Variants in GNB1 observed in about 807,000 individuals in gnomAD.
GNB1 encodes G protein subunit beta 1.
Under a neutral mutation model 42.9 loss-of-function variants are expected in GNB1, and 2 were observed. That is an observed-to-expected ratio of 0.05 (90% confidence interval 0.02 to 0.15). The LOEUF (loss-of-function observed/expected upper bound fraction) is 0.15, where lower values mean the gene tolerates loss of function less well. Among genes scored for constraint, GNB1 ranks in the 10% least tolerant of loss-of-function variants. The probability of loss-of-function intolerance (pLI) is 1.00; values close to 1 mark genes in which losing one functional copy is unlikely to be tolerated. For missense variants in GNB1, 193 were observed against 462.2 expected (o/e 0.42, Z 5.34); for synonymous variants, 183 against 174.7 (o/e 1.05, Z -0.38).
Position 1,790,688 on chromosome 1 carries a change from G to A in GNB1, c.498-92C>T, listed in dbSNP as rs1376404013. 1 of 793,854 alleles carries A rather than the reference G, an allele frequency of 1.3e-6. No individual in the cohort carries two copies. Among genetic ancestry groups the A allele is most frequent in the Non-Finnish European group, 2.2e-6 (1 of 457,682 alleles). The allele number at this position is 793,854 out of a possible 1,614,324, so 49.2% of individuals were successfully genotyped here. A position where few individuals can be genotyped will look rare whatever the true frequency, so the allele number is the denominator to read the frequency against. Reference sequence around the variant, plus strand: ...ACAATCTGTCCTTCAAACCACCCAGGGCCACAGTGAGCCTCTGCACTGTTA... The same window carrying A: ...ACAATCTGTCCTTCAAACCACCCAGAGCCACAGTGAGCCTCTGCACTGTTA... On this transcript the variant is annotated intron_variant, in intron 8 of 11. Coordinates refer to ENST00000378609, the MANE Select transcript of GNB1 (RefSeq NM_002074.5). This position sits in a 1 kb window ranked among gnomAD's most constrained non-coding sequence, Gnocchi z 5.4.
intron 1 of GNB1, among the ~76,000 whole-genome samples, chr1:1,886,490 ACACT>A (rs1331988927): frequency 6.6e-6 from 1 of 152,142 alleles, no homozygotes; most frequent in Non-Finnish European, 1.5e-5. Context: ...CTCTTCATAC[ACACT>A]CACTCCCATA....
intron 1 of GNB1, among the ~76,000 whole-genome samples, chr1:1,845,697 A>G (rs1259703867): frequency 6.6e-6 from 1 of 152,110 alleles, no homozygotes; most frequent in Non-Finnish European, 1.5e-5. Flanking sequence ...CTCACACTGG[A>G]GAAGGGAGGC....
At chr1:1,867,499 C>G (rs1162454122) in intron 1 of GNB1, among the ~76,000 whole-genome samples, 1 of 152,108 alleles carries the variant, frequency 6.6e-6, no homozygotes, top group East Asian at 1.9e-4. Context: ...AAAATTCTAG[C>G]TAGGAGTTTT....
At position 1,870,200 on chromosome 1, in the gene GNB1, T is replaced by C. The variant is rs1425383271; in HGVS notation, c.-96+20620A>G. Among the ~76,000 whole-genome samples, 6 of 152,182 alleles carry C rather than the reference T, an allele frequency of 3.9e-5. No homozygotes were observed. The East Asian group carries it at 1.2e-3, about 29-fold the overall frequency. ...TGTTTTTGTTTGTGGGGTTTTGTTT[T>C]TGCTTTTTTGAGACAAGGTCTCACT... On this transcript the variant is annotated intron_variant, in intron 1 of 11. Transcript: ENST00000378609.
intron 1 of GNB1, among the ~76,000 whole-genome samples, chr1:1,889,734 C>T (rs944550445): frequency 6.6e-6 from 1 of 151,130 alleles, no homozygotes; most frequent in South Asian, 2.1e-4. Context: ...TGCATGCTAA[C>T]CATGTAATTT....
chr1:1,845,942 C>A (rs547647037), intron 1 of GNB1, among the ~76,000 whole-genome samples: 59 of 151,482 alleles, frequency 3.9e-4, no homozygotes, highest in Admixed American at 3.1e-3. Context: ...AAGCCCAAAT[C>A]TTGGTTTTAT....
intron 2 of GNB1, among the ~76,000 whole-genome samples, chr1:1,833,426 C>G (rs981996498): frequency 1.3e-5 from 2 of 152,168 alleles, no homozygotes; most frequent in Admixed American, 6.5e-5. Context: ...ACGCACCGCT[C>G]CTAACAATAC....
At chr1:1,864,325 A>AAAAAAAAAAAAAAAAAAAAAAAC (rs1648796487) in intron 1 of GNB1, among the ~76,000 whole-genome samples, 1 of 149,230 alleles carries the variant, frequency 6.7e-6, no homozygotes, top group Non-Finnish European at 1.5e-5. Flanking sequence ...AAAAAAAAAA[A>AAAAAAAAAAAAAAAAAAAAAAAC]AAAAAAAAAA....
At chr1:1,874,155 A>G (rs963676485) in intron 1 of GNB1, among the ~76,000 whole-genome samples, 1 of 152,142 alleles carries the variant, frequency 6.6e-6, no homozygotes, top group South Asian at 2.1e-4. Flanking sequence ...CCACAAAAGA[A>G]AGACTAGCAA....
chr1:1,868,579 A>C (rs1169327761), intron 1 of GNB1, among the ~76,000 whole-genome samples: 2 of 152,078 alleles, frequency 1.3e-5, no homozygotes, highest in African/African-American at 4.8e-5. Flanking sequence ...TCAGGAGTTC[A>C]AGACCAGCCT....
chr1:1,868,537 C>G (rs1649070211), intron 1 of GNB1, among the ~76,000 whole-genome samples: 1 of 152,082 alleles, frequency 6.6e-6, no homozygotes, highest in African/African-American at 2.4e-5. Flanking sequence ...AATTCCAGCA[C>G]TTTGGGAGGC....
intron 2 of GNB1, among the ~76,000 whole-genome samples, chr1:1,833,485 G>A (rs942378242): frequency 3.3e-5 from 5 of 152,118 alleles, no homozygotes; most frequent in East Asian, 1.9e-4. Flanking sequence ...TAAAGGACAC[G>A]ACCACTAACG....
chr1:1,882,533 G>A (rs943294024), intron 1 of GNB1, among the ~76,000 whole-genome samples: 2 of 149,866 alleles, frequency 1.3e-5, no homozygotes, highest in African/African-American at 4.9e-5. Flanking sequence ...TTTAATTATT[G>A]TCCCTATCAG....
chr1:1,814,779 CTGAG>C (rs1419839235), intron 5 of GNB1, among the ~76,000 whole-genome samples: 82 of 127,874 alleles, frequency 6.4e-4, no homozygotes, highest in African/African-American at 2.4e-3. Context: ...TCCAGCATGA[CTGAG>C]TGAGACCCTG....
In GNB1 at chr1:1,790,973, G is replaced by A. The variant is rs921739038; in HGVS notation, c.498-377C>T. Among the ~76,000 whole-genome samples, 1 of 152,100 alleles carries A rather than the reference G, an allele frequency of 6.6e-6. No individual in the cohort carries two copies. The highest frequency in any genetic ancestry group is 1.5e-5 in the Non-Finnish European group (1 of 68,028). ...GGAAGCTACGTGGAGGCCCTGGATG[G>A]CGGAGGGGACGCGACTCTATCTGTG... is the stretch of plus-strand genomic sequence containing the variant. On this transcript the variant is annotated intron_variant, in intron 8 of 11. Transcript: ENST00000378609. This position sits in a 1 kb window ranked among gnomAD's most constrained non-coding sequence, Gnocchi z 5.4.
intron 3 of GNB1, among the ~76,000 whole-genome samples, chr1:1,820,746 G>C (rs1646920892): frequency 6.6e-6 from 1 of 152,164 alleles, no homozygotes; most frequent in African/African-American, 2.4e-5. Flanking sequence ...AGTTTCTTAA[G>C]GTACAGTGTA....
intron 1 of GNB1, among the ~76,000 whole-genome samples, chr1:1,863,315 T>G (rs984800229): frequency 1.3e-5 from 2 of 152,106 alleles, no homozygotes; most frequent in Non-Finnish European, 2.9e-5. Flanking sequence ...CCCAATCATG[T>G]AAGTTATGCA....
intron 1 of GNB1, among the ~76,000 whole-genome samples, chr1:1,877,777 T>A (rs1027266419): frequency 1.3e-5 from 2 of 152,114 alleles, no homozygotes; most frequent in Admixed American, 1.3e-4. Context: ...GACTGCCTGT[T>A]GGGGAGTTTA....
intron 5 of GNB1, among the ~76,000 whole-genome samples, chr1:1,812,661 T>G (rs1646798260): frequency 6.6e-6 from 1 of 152,200 alleles, no homozygotes; most frequent in Non-Finnish European, 1.5e-5. Flanking sequence ...CAGGCCTCAC[T>G]GAAGACCGCC....
Sources: gnomAD v4.1 joint callset for allele counts (sites outside exome capture counted in the v4.1 genomes callset) on GRCh38, gnomAD v4.1.1 for gene constraint, Gnocchi (gnomAD v3.1) non-coding constraint, MANE v1.5 for transcripts, NCBI Gene and HGNC (gene_info 2026-07-23, HGNC 2026-07-21) for gene names.